The following OSBPL10 variants were observed in gnomAD, a reference collection of about 807,000 sequenced individuals.
The protein encoded by OSBPL10 is oxysterol binding protein like 10.
OSBPL10 carries 49 observed loss-of-function variants against 81.7 expected under a neutral mutation model. The ratio of observed to expected loss-of-function variants is 0.60; its 90% CI spans 0.48 to 0.76. The LOEUF is 0.76. OSBPL10 is among the 30% of genes least tolerant of loss of function. The pLI is 0.00. For synonymous variants in OSBPL10, 419 were observed against 383.6 expected, an observed-to-expected ratio of 1.09 and a Z score of -1.08; for missense variants, 923 against 987.8, an observed-to-expected ratio of 0.93 and a Z score of 0.88.
intron 1 of OSBPL10, among the ~76,000 whole-genome samples, chr3:31,883,542 G>A: frequency 7.2e-6 from 1 of 138,906 alleles, no homozygotes; most frequent in Admixed American, 7.2e-5. Context: ...TTTTTTTGTT[G>A]TTTTTTTTTT....
At chr3:31,904,426 A>G (rs1696344387) in intron 1 of OSBPL10, among the ~76,000 whole-genome samples, 2 of 152,188 alleles carry the variant, frequency 1.3e-5, no homozygotes, top group Non-Finnish European at 2.9e-5. Flanking sequence ...CTCCTGGAAA[A>G]CAGGCACATT....
intron 2 of OSBPL10, among the ~76,000 whole-genome samples, chr3:31,992,103 C>G (rs11711041): frequency 0.35 from 52,808 of 149,414 alleles, 12,921 homozygotes; most frequent in African/African-American, 0.69. Flanking sequence ...CCAGGATCGC[C>G]CCACTGCACT....
intron 4 of OSBPL10, among the ~76,000 whole-genome samples, chr3:31,767,929 A>G (rs1338521190): frequency 1.3e-5 from 2 of 152,230 alleles, no homozygotes; most frequent in African/African-American, 2.4e-5. Context: ...CCTACAGAGT[A>G]AAGTAAAAGC....
At chr3:31,694,882 G>A (rs1184629381) in intron 7 of OSBPL10, among the ~76,000 whole-genome samples, 1 of 152,214 alleles carries the variant, frequency 6.6e-6, no homozygotes, top group African/African-American at 2.4e-5. Flanking sequence ...AGCCTCCCAA[G>A]TAGCTGGGAT....
Position 31,766,335 on chromosome 3 carries a change from TTG to T in OSBPL10, c.730-18217_730-18216del, listed in dbSNP as rs539047123. 2.4e-3 allele frequency among the ~76,000 whole-genome samples: 41 copies of T among 17,308 alleles called. 1 individual carries two copies. The highest frequency in any genetic ancestry group is 3.9e-3 in the African/African-American group (37 of 9,384). 11.4% of individuals were successfully genotyped at this position (17,308 alleles called of 152,430 possible). A position where few individuals can be genotyped will look rare whatever the true frequency, so the allele number is the denominator to read the frequency against. On this transcript the variant is annotated intron_variant, in intron 4 of 11. Coordinates refer to ENST00000396556, the MANE Select transcript of OSBPL10 (RefSeq NM_017784.5). ...GGCCCAATGTAGTTTTTTTGTTTTT[TTG>T]TTTTTTTTTGTTTTTTTTTTGAGAC...
intron 1 of OSBPL10, among the ~76,000 whole-genome samples, chr3:31,923,041 C>A (rs189933757): frequency 6.6e-6 from 1 of 152,286 alleles, no homozygotes; most frequent in Non-Finnish European, 1.5e-5. Context: ...AAACGCTCAT[C>A]TGAACACTTC....
At chr3:31,720,383 G>A (rs1040344972) in intron 6 of OSBPL10, among the ~76,000 whole-genome samples, 1 of 152,186 alleles carries the variant, frequency 6.6e-6, no homozygotes, top group Non-Finnish European at 1.5e-5. Flanking sequence ...GGCAGCCTGG[G>A]AAAAGCAAGT....
intron 4 of OSBPL10, among the ~76,000 whole-genome samples, chr3:31,751,500 G>T (rs1383080750): frequency 6.6e-6 from 1 of 152,232 alleles, no homozygotes; most frequent in African/African-American, 2.4e-5. Flanking sequence ...CAGTTACGAT[G>T]GCTGGGGAAG....
At chr3:31,968,801 T>C (rs997362080) in intron 1 of OSBPL10, among the ~76,000 whole-genome samples, 2 of 152,230 alleles carry the variant, frequency 1.3e-5, no homozygotes, top group African/African-American at 2.4e-5. Flanking sequence ...AGTGTTATGA[T>C]GTACTTTGGG....
At chr3:31,698,201 G>A (rs1695787516) in intron 7 of OSBPL10, among the ~76,000 whole-genome samples, 2 of 151,918 alleles carry the variant, frequency 1.3e-5, no homozygotes, top group South Asian at 4.2e-4. Context: ...TGTAATACCA[G>A]CACTTTGGGA....
At chr3:32,014,901 C>A (rs1221637175) in intron 2 of OSBPL10, among the ~76,000 whole-genome samples, 2 of 151,978 alleles carry the variant, frequency 1.3e-5, no homozygotes, top group African/African-American at 2.4e-5. Flanking sequence ...ATGTGAAGGA[C>A]CTCTTCAAGG....
rs369406250 is a variant in OSBPL10 at position 31,668,632 on chromosome 3, C to A, written c.2096+10G>T. On this transcript the variant is annotated intron_variant, in intron 10 of 11. Transcript: ENST00000396556. The stretch of plus-strand genomic sequence containing the variant: ...CTAAGCTGGAGAGGAAGACACAGCC[C>A]GGTTCTCACCTGGACTCCATGGGTC... 4 of 1,605,008 alleles carry A rather than the reference C, an allele frequency of 2.5e-6. No homozygotes were observed. The highest frequency in any genetic ancestry group is 3.4e-6 in the Non-Finnish European group (4 of 1,174,684).
chr3:31,710,150 C>T (rs752863727), intron 6 of OSBPL10, among the ~76,000 whole-genome samples: 4 of 152,286 alleles, frequency 2.6e-5, no homozygotes, highest in South Asian at 4.1e-4. Flanking sequence ...ATCCTAAAGA[C>T]GCTATGCCCC....
intron 6 of OSBPL10, among the ~76,000 whole-genome samples, chr3:31,715,388 AC>A (rs1466272140): frequency 3.3e-5 from 5 of 152,084 alleles, no homozygotes; most frequent in Non-Finnish European, 7.4e-5. Context: ...ATTGTTATCT[AC>A]CTGTAAGAAC....
At chr3:32,023,656 C>T (rs965702164) in intron 2 of OSBPL10, among the ~76,000 whole-genome samples, 23 of 152,126 alleles carry the variant, frequency 1.5e-4, no homozygotes, top group East Asian at 7.7e-4. Flanking sequence ...GTCTTAGAAC[C>T]GCTGGTGAAA....
intron 4 of OSBPL10, among the ~76,000 whole-genome samples, chr3:31,755,093 G>A (rs540795114): frequency 2.0e-5 from 3 of 151,992 alleles, no homozygotes; most frequent in Non-Finnish European, 4.4e-5. Flanking sequence ...AGCCTCTACT[G>A]GTCCCTGTTA....
chr3:31,793,839 A>G (rs1699103003), intron 4 of OSBPL10, among the ~76,000 whole-genome samples: 1 of 152,246 alleles, frequency 6.6e-6, no homozygotes, highest in Admixed American at 6.5e-5. Context: ...ATAGGTTCAA[A>G]CAACCTCAGA....
rs536910431 is a variant in OSBPL10 at position 31,753,010 on chromosome 3, T to C, written c.730-4890A>G. On this transcript the variant is annotated intron_variant, in intron 4 of 11. Transcript: ENST00000396556. ...ATCTGTCTGGCTTGGAAGGAGACCA[T>C]ACAATTTGATGCCACATACAAGATG... Among the ~76,000 whole-genome samples the C allele has an allele frequency of 1.1e-3, 161 of 152,232 alleles. 1 individual carries two copies. Among genetic ancestry groups the C allele is most frequent in the Middle Eastern group, 3.4e-3 (1 of 292 alleles).
chr3:31,715,518 C>T (rs17384495), intron 6 of OSBPL10, among the ~76,000 whole-genome samples: 4,471 of 152,242 alleles, frequency 0.029, 95 homozygotes, highest in Middle Eastern at 0.072. Context: ...GTCTATCTTT[C>T]CTTAATTTCT....
Sources: gnomAD v4.1 joint callset for allele counts (sites outside exome capture counted in the v4.1 genomes callset) on GRCh38, gnomAD v4.1.1 for gene constraint, MANE v1.5 for transcripts, NCBI Gene and HGNC (gene_info 2026-07-23, HGNC 2026-07-21) for gene names.